The following PDE3B variants were observed in gnomAD, a reference collection of about 807,000 sequenced individuals.
PDE3B encodes phosphodiesterase 3B.
In PDE3B, 66 loss-of-function variants were observed where a neutral mutation model predicts 116.8. The observed-to-expected ratio is 0.56, with a 90% CI of 0.46 to 0.69. PDE3B has a LOEUF of 0.69. Ranked by LOEUF, PDE3B falls within the 30% of genes least tolerant of loss-of-function variation. The pLI is 0.00. For synonymous variants in PDE3B, 595 were observed against 533.6 expected (o/e 1.12, Z -1.59); for missense variants, 1,384 against 1,368.1 (o/e 1.01, Z -0.18).
intron 1 of PDE3B, among the ~76,000 whole-genome samples, chr11:14,724,777 A>G (rs1856232512): frequency 6.6e-6 from 1 of 152,226 alleles, no homozygotes; most frequent in African/African-American, 2.4e-5. Context: ...AAGAAGGCCT[A>G]GAAGTTGAGG....
chr11:14,820,228 C>T (rs1017735578), intron 7 of PDE3B, among the ~76,000 whole-genome samples: 1 of 134,804 alleles, frequency 7.4e-6, no homozygotes, highest in Non-Finnish European at 1.6e-5. Context: ...CTTCCCAACT[C>T]ATTCTTTTTT....
chr11:14,846,606 A>G (rs939117143), intron 12 of PDE3B, among the ~76,000 whole-genome samples: 1 of 152,214 alleles, frequency 6.6e-6, no homozygotes, highest in African/African-American at 2.4e-5. Flanking sequence ...TCTCATGTGC[A>G]GAGACACACA....
At chr11:14,724,014 T>C (rs535352877) in intron 1 of PDE3B, among the ~76,000 whole-genome samples, 2 of 152,298 alleles carry the variant, frequency 1.3e-5, no homozygotes, top group African/African-American at 4.8e-5. Flanking sequence ...TTTGGAAATA[T>C]CATTGTAGTT....
chr11:14,856,616 A>G (rs1221939209), intron 12 of PDE3B, among the ~76,000 whole-genome samples: 1 of 151,978 alleles, frequency 6.6e-6, no homozygotes, highest in Non-Finnish European at 1.5e-5. Flanking sequence ...GCACTTTGGG[A>G]GTCTGAGAAG....
chr11:14,708,819 A>T (rs1248073738), intron 1 of PDE3B, among the ~76,000 whole-genome samples: 1 of 152,018 alleles, frequency 6.6e-6, no homozygotes, highest in Non-Finnish European at 1.5e-5. Context: ...GTTAATAATA[A>T]AACAAATAGG....
intron 1 of PDE3B, among the ~76,000 whole-genome samples, chr11:14,728,900 G>A (rs182998969): frequency 1.3e-5 from 2 of 152,168 alleles, no homozygotes; most frequent in East Asian, 3.9e-4. Flanking sequence ...GTAATTATAG[G>A]AGGTCTTTTT....
chr11:14,854,405 G>C (rs2133985394), intron 12 of PDE3B, among the ~76,000 whole-genome samples: 1 of 152,216 alleles, frequency 6.6e-6, no homozygotes, highest in South Asian at 2.1e-4. Context: ...AGCAAAACTT[G>C]CTAGGTAACA....
At chr11:14,653,290 A>G (rs955849085) in intron 1 of PDE3B, among the ~76,000 whole-genome samples, 2 of 152,196 alleles carry the variant, frequency 1.3e-5, no homozygotes, top group Admixed American at 6.5e-5. Flanking sequence ...TTCCAAGGCA[A>G]TGGTTAGAAG....
At chr11:14,818,795 T>C (rs763196314) in intron 6 of PDE3B, among the ~76,000 whole-genome samples, 44 of 152,114 alleles carry the variant, frequency 2.9e-4, no homozygotes, top group Non-Finnish European at 5.7e-4. Context: ...AATGGTATTC[T>C]ACCCATCCTA....
chr11:14,872,197 GA>G (rs1848151023), downstream of PDE3B, among the ~76,000 whole-genome samples: 1 of 152,088 alleles, frequency 6.6e-6, no homozygotes, highest in African/African-American at 2.4e-5. Context: ...TCATCTCATA[GA>G]AACACACTTC....
chr11:14,792,551 G>A (rs979487027), intron 4 of PDE3B, among the ~76,000 whole-genome samples: 1 of 152,106 alleles, frequency 6.6e-6, no homozygotes, highest in Non-Finnish European at 1.5e-5. Context: ...AAACCACAGG[G>A]AAGAAGAGTT....
At chr11:14,744,387 C>T (rs1856850285) in intron 1 of PDE3B, among the ~76,000 whole-genome samples, 1 of 152,072 alleles carries the variant, frequency 6.6e-6, no homozygotes, top group Admixed American at 6.6e-5. Context: ...GGTGATATTG[C>T]CATTTTCACA....
chr11:14,698,952 A>G (rs558414776), intron 1 of PDE3B: 156 of 152,132 alleles, frequency 1.0e-3, no homozygotes, highest in Middle Eastern at 3.4e-3. Context: ...AAGAAATACC[A>G]GAAGTTGTTC....
At chr11:14,646,263 C>G (rs1853403101) in intron 1 of PDE3B, among the ~76,000 whole-genome samples, 1 of 152,188 alleles carries the variant, frequency 6.6e-6, no homozygotes, top group Non-Finnish European at 1.5e-5. Context: ...TCTTCCTTCA[C>G]TTCTTGTCTG....
chr11:14,651,092 C>T (rs1304450918), intron 1 of PDE3B, among the ~76,000 whole-genome samples: 1 of 152,106 alleles, frequency 6.6e-6, no homozygotes, highest in East Asian at 1.9e-4. Context: ...GGCCAGAAGT[C>T]CAAGATCAAG....
At chr11:14,738,460 G>A (rs931487776) in intron 1 of PDE3B, among the ~76,000 whole-genome samples, 16 of 151,920 alleles carry the variant, frequency 1.1e-4, no homozygotes, top group Non-Finnish European at 2.1e-4. Flanking sequence ...ACTTTTTGAT[G>A]GGTTGTTTTT....
intron 11 of PDE3B, among the ~76,000 whole-genome samples, chr11:14,836,620 G>T (rs1565158303): frequency 6.6e-6 from 1 of 152,152 alleles, no homozygotes. Context: ...TAAGTTACCA[G>T]AAATTTAGTC....
chr11:14,760,274 A>T (rs1857321191), intron 1 of PDE3B, among the ~76,000 whole-genome samples: 1 of 152,202 alleles, frequency 6.6e-6, no homozygotes, highest in South Asian at 2.1e-4. Flanking sequence ...AGTAGTGTTC[A>T]TAGATTCTAT....
chr11:14,716,294 T>C (rs1855890269), intron 1 of PDE3B, among the ~76,000 whole-genome samples: 1 of 152,090 alleles, frequency 6.6e-6, no homozygotes, highest in Non-Finnish European at 1.5e-5. Flanking sequence ...CGCTGATTGC[T>C]AGCACAGCAG....
Sources: allele counts gnomAD v4.1 joint callset (sites outside exome capture counted in the v4.1 genomes callset), GRCh38; gene constraint gnomAD v4.1.1; transcripts MANE v1.5; gene names NCBI Gene and HGNC (gene_info 2026-07-23, HGNC 2026-07-21).